The following SORCS3 variants were observed in gnomAD, a reference collection of about 807,000 sequenced individuals.
The protein encoded by SORCS3 is sortilin related VPS10 domain containing receptor 3.
A neutral mutation model predicts 146.3 loss-of-function variants in SORCS3; 57 were observed. That is an observed-to-expected ratio of 0.39 (90% CI 0.31 to 0.49). The LOEUF (loss-of-function observed/expected upper bound fraction) is 0.49. Among genes scored for constraint, SORCS3 ranks in the 20% least tolerant of loss-of-function variants. SORCS3 has a pLI of 0.92. For missense variants in SORCS3, 1,341 were observed against 1,575.5 expected (o/e 0.85, Z 2.52); for synonymous variants, 653 against 618.5 (o/e 1.06, Z -0.83).
intron 2 of SORCS3, among the ~76,000 whole-genome samples, chr10:104,901,145 A>G (rs557876552): frequency 6.6e-6 from 1 of 152,276 alleles, no homozygotes; most frequent in African/African-American, 2.4e-5. Flanking sequence ...CATCATCATC[A>G]TATTAATAAT....
At chr10:105,154,202 A>C (rs1010092132) in intron 9 of SORCS3, among the ~76,000 whole-genome samples, 1 of 151,688 alleles carries the variant, frequency 6.6e-6, no homozygotes, top group African/African-American at 2.4e-5. Context: ...CAGGACCTTC[A>C]GTGACCTTTA....
At chr10:104,754,823 C>T (rs1367443294) in intron 1 of SORCS3, among the ~76,000 whole-genome samples, 13 of 152,206 alleles carry the variant, frequency 8.5e-5, no homozygotes, top group Non-Finnish European at 2.9e-5. Flanking sequence ...ATCTTGTTTA[C>T]TTGCATCTAT....
At chr10:104,894,067 AGCT>A (rs1315233805) in intron 2 of SORCS3, among the ~76,000 whole-genome samples, 1 of 152,052 alleles carries the variant, frequency 6.6e-6, no homozygotes, top group African/African-American at 2.4e-5. Flanking sequence ...TAATTATTCC[AGCT>A]ACTCACTGAC....
chr10:104,675,626 A>G (rs984308528), intron 1 of SORCS3, among the ~76,000 whole-genome samples: 15 of 152,222 alleles, frequency 9.9e-5, no homozygotes, highest in Admixed American at 9.2e-4. Context: ...CAGATGGCCC[A>G]GCACCATTTA....
intron 1 of SORCS3, among the ~76,000 whole-genome samples, chr10:104,687,274 A>G (rs1245706152): frequency 2.0e-5 from 3 of 152,050 alleles, no homozygotes; most frequent in Admixed American, 6.6e-5. Flanking sequence ...CATCCAACCA[A>G]TCTGGCTTGG....
chr10:104,917,724 G>A (rs1029420956), intron 3 of SORCS3, among the ~76,000 whole-genome samples: 7 of 152,044 alleles, frequency 4.6e-5, no homozygotes, highest in Admixed American at 3.3e-4. Flanking sequence ...CCACATATGC[G>A]TGAGATCAAA....
At chr10:105,211,782 A>C (rs907529124) in intron 17 of SORCS3, among the ~76,000 whole-genome samples, 1 of 152,172 alleles carries the variant, frequency 6.6e-6, no homozygotes, top group Non-Finnish European at 1.5e-5. Context: ...CTTGAAAAAC[A>C]TTTTCTTGAA....
intron 16 of SORCS3, among the ~76,000 whole-genome samples, chr10:105,208,419 G>A (rs548856316): frequency 6.6e-6 from 1 of 151,410 alleles, no homozygotes; most frequent in East Asian, 1.9e-4. Context: ...GGCTCTCTGG[G>A]AACTAACAAA....
chr10:104,713,796 TG>T (rs1395595329), intron 1 of SORCS3, among the ~76,000 whole-genome samples: 3 of 152,224 alleles, frequency 2.0e-5, no homozygotes, highest in African/African-American at 7.2e-5. Context: ...TATTATAGAA[TG>T]CTTCTGTTTT....
At chr10:105,222,032 G>A (rs934122082) in intron 19 of SORCS3, among the ~76,000 whole-genome samples, 3 of 139,686 alleles carry the variant, frequency 2.1e-5, no homozygotes, top group Non-Finnish European at 3.1e-5. Context: ...ATGCAACACC[G>A]ATACCTTAAC....
chr10:104,731,064 C>T (rs1380003821), intron 1 of SORCS3, among the ~76,000 whole-genome samples: 1 of 152,214 alleles, frequency 6.6e-6, no homozygotes, highest in East Asian at 1.9e-4. Flanking sequence ...AGGGCAGGTA[C>T]TGAGTAGGGT....
chr10:105,227,932 A>G (rs1243073977), intron 20 of SORCS3, among the ~76,000 whole-genome samples: 1 of 149,816 alleles, frequency 6.7e-6, no homozygotes, highest in Non-Finnish European at 1.5e-5. Context: ...TTCAGTCTGT[A>G]TATGTCATGA....
At chr10:105,256,586 A>G (rs1180189279) in intron 24 of SORCS3, among the ~76,000 whole-genome samples, 1 of 152,240 alleles carries the variant, frequency 6.6e-6, no homozygotes, top group East Asian at 1.9e-4. Context: ...ACCAAGAACT[A>G]GCAAGTTTCC....
chr10:104,974,886 T>G lies in SORCS3; in HGVS notation c.796-2449T>G, dbSNP rs547069176. Among the ~76,000 whole-genome samples the G allele has an allele frequency of 8.2e-3, 1,251 of 152,206 alleles. 21 individuals carry two copies. The highest frequency in any genetic ancestry group is 0.029 in the African/African-American group (1,203 of 41,544). On this transcript the variant is annotated intron_variant, in intron 3 of 26. Transcript: ENST00000369701. ...TCCTTCAGGAGCTCTTTTAGGGCAGTCCTGGTGGTGACAAAATCTCTCAGC... is the reference window on the plus strand; with the variant it reads ...TCCTTCAGGAGCTCTTTTAGGGCAGGCCTGGTGGTGACAAAATCTCTCAGC...
intron 4 of SORCS3, among the ~76,000 whole-genome samples, chr10:105,036,556 A>T (rs2055307817): frequency 6.6e-6 from 1 of 152,178 alleles, no homozygotes; most frequent in African/African-American, 2.4e-5. Flanking sequence ...GTCAGGTGAC[A>T]GCTGGAGATG....
At chr10:104,727,126 T>C (rs112361250) in intron 1 of SORCS3, among the ~76,000 whole-genome samples, 2,074 of 152,320 alleles carry the variant, frequency 0.014, 40 homozygotes, top group African/African-American at 0.041. Context: ...TTCTGTGGAT[T>C]CTTTCAAGCA....
At chr10:105,077,366 T>G (rs1045280831) in intron 5 of SORCS3, among the ~76,000 whole-genome samples, 3 of 152,156 alleles carry the variant, frequency 2.0e-5, no homozygotes, top group Non-Finnish European at 2.9e-5. Context: ...TGAAGAACAC[T>G]AATCTAGGCA....
chr10:105,043,229 G>A, intron 5 of SORCS3, 101 bp downstream of exon 5: 1 of 1,020,704 alleles, frequency 9.8e-7, no homozygotes, highest in South Asian at 1.4e-5. Flanking sequence ...GCAGACAAAT[G>A]TGTTCCAGTC....
chr10:104,775,467 A>C (rs1487666102), intron 1 of SORCS3, among the ~76,000 whole-genome samples: 1 of 152,222 alleles, frequency 6.6e-6, no homozygotes, highest in African/African-American at 2.4e-5. Context: ...GCACACAGAC[A>C]CCCAGTGATG....
Sources: gnomAD v4.1 joint callset for allele counts (sites outside exome capture counted in the v4.1 genomes callset) on GRCh38, gnomAD v4.1.1 for gene constraint, MANE v1.5 for transcripts, NCBI Gene and HGNC (gene_info 2026-07-23, HGNC 2026-07-21) for gene names.